Variants in ARID4B observed in about 807,000 individuals in gnomAD.
The protein encoded by ARID4B is AT-rich interactive domain-containing protein 4B.
In ARID4B, 26 loss-of-function variants were observed where a neutral mutation model predicts 147.5. The ratio of observed to expected loss-of-function variants is 0.18; its 90% CI spans 0.13 to 0.24. The LOEUF (loss-of-function observed/expected upper bound fraction) is 0.24. Among genes scored for constraint, ARID4B ranks in the 10% least tolerant of loss-of-function variants. The pLI, the probability that ARID4B is intolerant of heterozygous loss-of-function variation, is 1.00. For missense variants in ARID4B, 1,179 were observed against 1,511.5 expected, an observed-to-expected ratio of 0.78 and a Z score of 3.65; for synonymous variants, 512 against 507.9, an observed-to-expected ratio of 1.01 and a Z score of -0.11.
intron 19 of ARID4B, among the ~76,000 whole-genome samples, chr1:235,185,726 T>C (rs1047826116): frequency 6.6e-6 from 1 of 152,256 alleles, no homozygotes; most frequent in Admixed American, 6.5e-5. Context: ...TACAGAATTC[T>C]AGGTTAAAAA....
chr1:235,291,419 A>G (rs544856241), intron 2 of ARID4B, among the ~76,000 whole-genome samples: 1 of 151,912 alleles, frequency 6.6e-6, no homozygotes, highest in East Asian at 1.9e-4. Context: ...AAAAAATAAT[A>G]AATAAATAAA....
At chr1:235,313,371 A>T (rs1674211251) in intron 2 of ARID4B, among the ~76,000 whole-genome samples, 1 of 152,054 alleles carries the variant, frequency 6.6e-6, no homozygotes, top group Non-Finnish European at 1.5e-5. Flanking sequence ...GACATAAGCC[A>T]AGCTGCTTCA....
chr1:235,216,332 C>CATATAT (rs1553293490), intron 16 of ARID4B, among the ~76,000 whole-genome samples: 6 of 151,042 alleles, frequency 4.0e-5, no homozygotes, highest in Non-Finnish European at 7.4e-5. Context: ...CACACACACA[C>CATATAT]ATATATACGT....
chr1:235,231,241 G>C (rs760918690), intron 9 of ARID4B, 52 bp from the exon 10 acceptor site: 32 of 941,120 alleles, frequency 3.4e-5, no homozygotes, highest in Non-Finnish European at 4.6e-5. Flanking sequence ...AAATATGACT[G>C]AGATTAATTA....
In ARID4B at chr1:235,282,882, G is replaced by A. The variant is rs570540167; in HGVS notation, c.7-22130C>T. 3.3e-3 allele frequency among the ~76,000 whole-genome samples: 503 copies of A among 152,258 alleles called. 1 individual carries two copies. Among genetic ancestry groups the A allele is most frequent in the South Asian group, 7.5e-3 (36 of 4,824 alleles). On this transcript the variant is annotated intron_variant, in intron 2 of 23. Coordinates refer to ENST00000264183, the MANE Select transcript of ARID4B (RefSeq NM_016374.6). ...TGCAACCTCCGCCTACCGGGTTCAC[G>A]CCATTCTCCTGCCTCAGCCTCCCGA...
intron 2 of ARID4B, among the ~76,000 whole-genome samples, chr1:235,305,742 T>C (rs1271894488): frequency 6.6e-6 from 1 of 152,148 alleles, no homozygotes; most frequent in Admixed American, 6.6e-5. Flanking sequence ...GGGGATCACT[T>C]GAACCGGGGA....
intron 2 of ARID4B, among the ~76,000 whole-genome samples, chr1:235,319,989 T>C (rs1674709444): frequency 6.6e-6 from 1 of 151,950 alleles, no homozygotes; most frequent in South Asian, 2.1e-4. Context: ...TAGCCAGACA[T>C]GGTGGCACAT....
In ARID4B at chr1:235,226,223, A is replaced by G. The variant is rs1257575662; in HGVS notation, c.898-1448T>C. The stretch of plus-strand genomic sequence containing the variant: ...TATCATCTGTTATATTTTACACACT[A>G]TGACAGACACTTTAAGTATGAATAC... On this transcript the variant is annotated intron_variant, in intron 11 of 23. Transcript: ENST00000264183. Among the ~76,000 whole-genome samples the G allele has an allele frequency of 5.9e-5, 9 of 152,344 alleles. No homozygotes were observed. The East Asian group carries it at 1.2e-3, about 20-fold the overall frequency.
chr1:235,313,454 A>G (rs1674219412), intron 2 of ARID4B, among the ~76,000 whole-genome samples: 1 of 152,108 alleles, frequency 6.6e-6, no homozygotes, highest in Admixed American at 6.6e-5. Context: ...TCTCTGGAGT[A>G]GAGACTCGGG....
At chr1:235,324,680 T>C (rs1482731581) in intron 2 of ARID4B, among the ~76,000 whole-genome samples, 1 of 152,214 alleles carries the variant, frequency 6.6e-6, no homozygotes, top group African/African-American at 2.4e-5. Flanking sequence ...CTCTCGCCTG[T>C]AATCCCAGCA....
intron 7 of ARID4B, among the ~76,000 whole-genome samples, chr1:235,244,321 GA>G (rs1015096998): frequency 1.1e-4 from 16 of 152,104 alleles, no homozygotes; most frequent in Admixed American, 2.6e-4. Flanking sequence ...CAGATTATGG[GA>G]AAACAACTTC....
chr1:235,300,349 G>A (rs754574681), intron 2 of ARID4B, among the ~76,000 whole-genome samples: 2 of 151,886 alleles, frequency 1.3e-5, no homozygotes, highest in Non-Finnish European at 2.9e-5. Flanking sequence ...CCCAGGAGGT[G>A]GAGGTTGTAG....
At chr1:235,269,152 G>A (rs563233406) in intron 2 of ARID4B, among the ~76,000 whole-genome samples, 2 of 152,176 alleles carry the variant, frequency 1.3e-5, no homozygotes, top group South Asian at 2.1e-4. Flanking sequence ...AATGAAATCC[G>A]TGAGTCCATA....
intron 17 of ARID4B, among the ~76,000 whole-genome samples, chr1:235,202,231 T>C (rs1026155860): frequency 1.3e-5 from 2 of 151,874 alleles, no homozygotes; most frequent in Non-Finnish European, 2.9e-5. Context: ...CAAAAAGTAT[T>C]GAAACAAATA....
chr1:235,292,660 G>A (rs1225794491), intron 2 of ARID4B, among the ~76,000 whole-genome samples: 2 of 151,586 alleles, frequency 1.3e-5, no homozygotes, highest in East Asian at 3.9e-4. Flanking sequence ...ACAGTGATAG[G>A]AAAAGGAACC....
intron 2 of ARID4B, among the ~76,000 whole-genome samples, chr1:235,277,000 GA>G (rs751564359): frequency 0.057 from 5,632 of 99,430 alleles, 338 homozygotes; most frequent in African/African-American, 0.18. Flanking sequence ...CACCATCTCC[GA>G]AAAAAAAAAA....
intron 21 of ARID4B, chr1:235,177,024 G>T (rs750494705): frequency 2.2e-6 from 1 of 447,484 alleles, no homozygotes. Context: ...GCACGGAGTC[G>T]TTGCTAAAGT....
chr1:235,301,063 T>C (rs10925361), intron 2 of ARID4B, among the ~76,000 whole-genome samples: 1 of 124,286 alleles, frequency 8.0e-6, no homozygotes, highest in African/African-American at 2.8e-5. Flanking sequence ...TTTTTTTTTT[T>C]AGTATACAGA....
At chr1:235,323,646 T>G (rs1379902328) in intron 2 of ARID4B, among the ~76,000 whole-genome samples, 1 of 151,778 alleles carries the variant, frequency 6.6e-6, no homozygotes, top group Non-Finnish European at 1.5e-5. Flanking sequence ...TAGCCCGGCA[T>G]GATGGTGCAT....
Sources: gnomAD v4.1 joint callset for allele counts (sites outside exome capture counted in the v4.1 genomes callset) on GRCh38, gnomAD v4.1.1 for gene constraint, MANE v1.5 for transcripts, NCBI Gene and HGNC (gene_info 2026-07-23, HGNC 2026-07-21) for gene names.